The following RYR3 variants were observed in gnomAD, a reference collection of about 807,000 sequenced individuals.
The protein encoded by RYR3 is brain ryanodine receptor-calcium release channel.
Under a neutral mutation model 584.3 loss-of-function variants are expected in RYR3, and 207 were observed. That is an observed-to-expected ratio of 0.35 (90% CI 0.32 to 0.40). RYR3 has a LOEUF of 0.40. RYR3 is among the 10% of genes least tolerant of loss of function. The pLI, the probability that RYR3 is intolerant of heterozygous loss-of-function variation, is 1.00. For synonymous variants in RYR3, 2,416 were observed against 2,248.5 expected, an observed-to-expected ratio of 1.07 and a Z score of -2.11; for missense variants, 5,616 against 6,089.2, an observed-to-expected ratio of 0.92 and a Z score of 2.59.
chr15:33,601,362 C>T, intron 16 of RYR3, 57 bp from the exon 17 acceptor site: 1 of 1,579,930 alleles, frequency 6.3e-7, no homozygotes, highest in African/African-American at 1.3e-5. Context: ...TTGTGGTGGT[C>T]CTGCCTGCTG....
intron 49 of RYR3, among the ~76,000 whole-genome samples, chr15:33,737,138 C>T (rs370552699): frequency 2.0e-5 from 3 of 152,124 alleles, no homozygotes; most frequent in Non-Finnish European, 2.9e-5. Context: ...CTTGTACTCA[C>T]ACTTGAGTGC....
chr15:33,658,654 G>A (rs2062961088), intron 32 of RYR3, among the ~76,000 whole-genome samples: 1 of 152,194 alleles, frequency 6.6e-6, no homozygotes, highest in Non-Finnish European at 1.5e-5. Context: ...TGGAATTAAA[G>A]TCCCAGTGTG....
At chr15:33,411,506 A>C (rs766081052) in intron 1 of RYR3, among the ~76,000 whole-genome samples, 4 of 152,222 alleles carry the variant, frequency 2.6e-5, no homozygotes, top group African/African-American at 4.8e-5. Context: ...TTCAGATGGG[A>C]TGCACACGGT....
chr15:33,813,642 C>T (rs1401387156), intron 74 of RYR3, 63 bp downstream of exon 74: 8 of 1,257,798 alleles, frequency 6.4e-6, no homozygotes, highest in Non-Finnish European at 9.3e-6. Flanking sequence ...TATCCTCCCA[C>T]AGCTGTGCTC....
At chr15:33,605,354 C>T (rs1303909423) in intron 18 of RYR3, among the ~76,000 whole-genome samples, 2 of 152,162 alleles carry the variant, frequency 1.3e-5, no homozygotes, top group Non-Finnish European at 2.9e-5. Flanking sequence ...GTTCCCCATC[C>T]TCTCCCTCAT....
chr15:33,643,688 A>G (rs1435986840), intron 27 of RYR3, among the ~76,000 whole-genome samples: 1 of 152,218 alleles, frequency 6.6e-6, no homozygotes, highest in Non-Finnish European at 1.5e-5. Context: ...TCACTGGGGA[A>G]GATGCTGGGT....
rs370333819 is a variant in RYR3 at position 33,460,775 on chromosome 15, TG to T, written c.52-12643del. Among the ~76,000 whole-genome samples the T allele has an allele frequency of 5.0e-3, 755 of 152,146 alleles. 7 individuals are homozygous for T. The highest frequency in any genetic ancestry group is 0.017 in the African/African-American group (720 of 41,514). Reference sequence around the variant, plus strand: ...CTGGAACAGAATTTTTAGGAGTTTATGAACTATGAAGTACTCAAACCAGTGC... The same window carrying T: ...CTGGAACAGAATTTTTAGGAGTTTATAACTATGAAGTACTCAAACCAGTGC... On this transcript the variant is annotated intron_variant, in intron 1 of 103. Coordinates refer to ENST00000634891, the MANE Select transcript of RYR3 (RefSeq NM_001036.6).
chr15:33,368,338 CTTTTTTTT>C lies in RYR3; in HGVS notation c.51+57260_51+57267del, dbSNP rs35491164. Among the ~76,000 whole-genome samples, 539 of 85,848 alleles carry C rather than the reference CTTTTTTTT, an allele frequency of 6.3e-3. 2 individuals carry two copies. The highest frequency in any genetic ancestry group is 0.012 in the African/African-American group (242 of 20,278). The allele number at this position is 85,848 out of a possible 152,430, so 56.3% of individuals were successfully genotyped here. On this transcript the variant is annotated intron_variant, in intron 1 of 103. Coordinates refer to ENST00000634891, the MANE Select transcript of RYR3 (RefSeq NM_001036.6). ...TGTTTCTTCATTGTAGCCTTCCTGT[CTTTTTTTT>C]TTTTTTTTTTTTTTTTTACCATGGT... is the stretch of plus-strand genomic sequence containing the variant.
rs748308551 is a variant in RYR3 at position 33,800,791 on chromosome 15, T to C, written c.9852T>C (p.Pro3284=). ...CCAGATCTAACTGGCTGAAAAGTCC[T>C]GATGCTGATTCTGACCAGCTCTTCC... is the stretch of plus-strand genomic sequence containing the variant. The part of the protein sequence containing the change: ...DNNRSNWLKS[P]DADSDQLFRM... Residue 3284 remains proline (P), a synonymous_variant, in exon 68 of 104, where the codon CCT becomes CCC. Coordinates refer to ENST00000634891, the MANE Select transcript of RYR3 (RefSeq NM_001036.6). 1 of 1,613,764 alleles carries C rather than the reference T, an allele frequency of 6.2e-7. No individual in the cohort carries two copies. The highest frequency in any genetic ancestry group is 1.1e-5 in the South Asian group (1 of 91,084).
At chr15:33,579,954 A>T in intron 12 of RYR3, 22 bp from the exon 13 acceptor site, 1 of 1,597,096 alleles carries the variant, frequency 6.3e-7, no homozygotes, top group Admixed American at 1.7e-5. Context: ...TGCCTAAACC[A>T]TGTCAATCTC....
chr15:33,829,484 C>T (rs2077551003), intron 85 of RYR3, among the ~76,000 whole-genome samples: 1 of 152,142 alleles, frequency 6.6e-6, no homozygotes, highest in African/African-American at 2.4e-5. Context: ...CCCAGTGGCT[C>T]GCATCTGTAA....
At chr15:33,639,796 T>C (rs997723004) in intron 27 of RYR3, among the ~76,000 whole-genome samples, 1 of 152,226 alleles carries the variant, frequency 6.6e-6, no homozygotes, top group Non-Finnish European at 1.5e-5. Context: ...ATCTGCTTCA[T>C]TAGAATTTTC....
rs368076584 is a variant in RYR3 at position 33,328,140 on chromosome 15, C to A, written c.51+17044C>A. On this transcript the variant is annotated intron_variant, in intron 1 of 103. Transcript: ENST00000634891. ...ATAGCATGTGCCAAATAAACATATGCAGAACAACCTAATAAAATGAAATGG... is the reference window on the plus strand; with the variant it reads ...ATAGCATGTGCCAAATAAACATATGAAGAACAACCTAATAAAATGAAATGG... Among the ~76,000 whole-genome samples the A allele has an allele frequency of 3.9e-5, 6 of 152,310 alleles. No homozygotes were observed. The South Asian group carries it at 8.3e-4, about 21-fold the overall frequency.
At chr15:33,475,232 A>G (rs1479834516) in intron 2 of RYR3, among the ~76,000 whole-genome samples, 1 of 152,148 alleles carries the variant, frequency 6.6e-6, no homozygotes, top group Non-Finnish European at 1.5e-5. Flanking sequence ...ATCCAATGGG[A>G]AGTGTGTTGA....
At chr15:33,669,857 GGTGT>G (rs1555401710) in intron 37 of RYR3, among the ~76,000 whole-genome samples, 19 of 60,210 alleles carry the variant, frequency 3.2e-4, no homozygotes, top group Non-Finnish European at 4.7e-4. Context: ...GGGGGGGGGG[GGTGT>G]GGGTGTGTGG....
intron 1 of RYR3, among the ~76,000 whole-genome samples, chr15:33,333,606 C>T (rs555266706): frequency 1.3e-5 from 2 of 152,206 alleles, no homozygotes; most frequent in African/African-American, 2.4e-5. Flanking sequence ...AGGGCAAAAG[C>T]TCAAGCATAT....
In RYR3 at chr15:33,660,340, G is replaced by A. The variant is rs1374442573; in HGVS notation, c.4539G>A (p.Glu1513=). The part of the protein sequence containing the change: ...MPNSFLKVET[E]RVSERHGWVV... ...ACAGCTTCCTGAAGGTGGAGACCGA[G>A]CGTGTGAGCGAGCGCCACGGCTGGG... The change falls in exon 34 of 104, where the codon GAG becomes GAA. Residue 1513 remains glutamate (E), a synonymous_variant. Transcript: ENST00000634891. The A allele has an allele frequency of 6.3e-7, 1 of 1,592,462 alleles. No homozygotes were observed. The highest frequency in any genetic ancestry group is 1.2e-5 in the South Asian group (1 of 86,916).
At chr15:33,716,295 C>T (rs2067492006) in intron 43 of RYR3, among the ~76,000 whole-genome samples, 1 of 152,132 alleles carries the variant, frequency 6.6e-6, no homozygotes, top group South Asian at 2.1e-4. Flanking sequence ...CACACTGTTG[C>T]ATTAGGGATT....
chr15:33,410,547 T>C (rs2043328846), intron 1 of RYR3, among the ~76,000 whole-genome samples: 1 of 152,238 alleles, frequency 6.6e-6, no homozygotes, highest in Non-Finnish European at 1.5e-5. Context: ...AGAAAGCCGA[T>C]GTCTCAGAAA....
Sources: allele counts gnomAD v4.1 joint callset (sites outside exome capture counted in the v4.1 genomes callset), GRCh38; gene constraint gnomAD v4.1.1; transcripts MANE v1.5; gene names NCBI Gene and HGNC (gene_info 2026-07-23, HGNC 2026-07-21).